Variants in KHDRBS2 observed in about 807,000 individuals in gnomAD.
The protein encoded by KHDRBS2 is KH RNA binding domain containing, signal transduction associated 2.
Under a neutral mutation model 44.3 loss-of-function variants are expected in KHDRBS2, and 26 were observed. That is an observed-to-expected ratio of 0.59 (90% CI 0.43 to 0.81). The LOEUF (loss-of-function observed/expected upper bound fraction) is 0.81. Ranked by LOEUF, KHDRBS2 falls within the 40% of genes least tolerant of loss-of-function variation. The pLI, the probability that KHDRBS2 is intolerant of heterozygous loss-of-function variation, is 0.00. For synonymous variants in KHDRBS2, 194 were observed against 151.1 expected (o/e 1.28, Z -2.08); for missense variants, 476 against 433.1 (o/e 1.10, Z -0.88).
At chr6:61,741,307 G>A (rs1422948201) in intron 6 of KHDRBS2, among the ~76,000 whole-genome samples, 1 of 151,876 alleles carries the variant, frequency 6.6e-6, no homozygotes, top group Non-Finnish European at 1.5e-5. Context: ...TTTCTAATCA[G>A]TACTAGTTTA....
intron 2 of KHDRBS2, among the ~76,000 whole-genome samples, chr6:62,080,154 T>C (rs1318782810): frequency 6.6e-6 from 1 of 152,120 alleles, no homozygotes; most frequent in Non-Finnish European, 1.5e-5. Context: ...CAGAGACATG[T>C]TACCTAAGGC....
intron 3 of KHDRBS2, among the ~76,000 whole-genome samples, chr6:62,033,146 G>T (rs1203659492): frequency 1.3e-5 from 2 of 151,706 alleles, no homozygotes; most frequent in South Asian, 2.1e-4. Flanking sequence ...TTGAGCACAG[G>T]TTATTTGAAA....
At chr6:61,973,638 G>T (rs1296169727) in intron 4 of KHDRBS2, among the ~76,000 whole-genome samples, 1 of 152,014 alleles carries the variant, frequency 6.6e-6, no homozygotes, top group East Asian at 1.9e-4. Context: ...CTCTTAAATT[G>T]ACTTAAAATC....
chr6:61,853,967 C>CT (rs771036812), intron 6 of KHDRBS2, among the ~76,000 whole-genome samples: 2 of 152,298 alleles, frequency 1.3e-5, no homozygotes. Flanking sequence ...TTGGCCAGAC[C>CT]TTGGTCACAT....
intron 3 of KHDRBS2, among the ~76,000 whole-genome samples, chr6:62,016,325 T>G (rs539378243): frequency 6.6e-6 from 1 of 152,046 alleles, no homozygotes; most frequent in African/African-American, 2.4e-5. Context: ...TACAGAAAAT[T>G]TACTTCTAGT....
the KHDRBS2 span, among the ~76,000 whole-genome samples, chr6:61,596,945 C>T: frequency 6.6e-6 from 1 of 152,080 alleles, no homozygotes; most frequent in Non-Finnish European, 1.5e-5. Context: ...CCACCGTGCC[C>T]AGCCACATTT....
At chr6:61,912,442 T>A (rs1169570344) in intron 4 of KHDRBS2, among the ~76,000 whole-genome samples, 9 of 152,212 alleles carry the variant, frequency 5.9e-5, no homozygotes, top group South Asian at 2.1e-4. Context: ...CTCAATTAGC[T>A]GAGTCCTTTC....
At chr6:61,900,191 A>G (rs1161260178) in intron 5 of KHDRBS2, among the ~76,000 whole-genome samples, 1 of 152,020 alleles carries the variant, frequency 6.6e-6, no homozygotes, top group Non-Finnish European at 1.5e-5. Context: ...TTGAGAATTT[A>G]TCTTTCTTAA....
At chr6:61,869,346 G>A (rs774066743) in intron 6 of KHDRBS2, among the ~76,000 whole-genome samples, 14 of 152,132 alleles carry the variant, frequency 9.2e-5, no homozygotes, top group Admixed American at 6.5e-5. Flanking sequence ...TCAATATAGT[G>A]AGAGAAAATA....
chr6:62,263,940 T>C (rs1466263407), intron 1 of KHDRBS2, among the ~76,000 whole-genome samples: 1 of 151,798 alleles, frequency 6.6e-6, no homozygotes, highest in African/African-American at 2.4e-5. Context: ...GACATCATTG[T>C]CCTTATTGTT....
chr6:61,610,779 C>T, the KHDRBS2 span, among the ~76,000 whole-genome samples: 1 of 152,218 alleles, frequency 6.6e-6, no homozygotes, highest in Non-Finnish European at 1.5e-5. Flanking sequence ...AAACAAGTAG[C>T]TACAACCCTT....
chr6:62,072,448 GC>G lies in KHDRBS2; in HGVS notation c.220-24455del, dbSNP rs565103747. On this transcript the variant is annotated intron_variant, in intron 2 of 8. Coordinates refer to ENST00000281156, the MANE Select transcript of KHDRBS2 (RefSeq NM_152688.4). ...TTCAAAGGGAATGTTTCCAATTTTT[GC>G]CCATTCATTATGATATTGGCTGTGG... Among the ~76,000 whole-genome samples, 15 of 152,196 alleles carry G rather than the reference GC, an allele frequency of 9.9e-5. No homozygotes were observed. The East Asian group carries it at 2.5e-3, about 25-fold the overall frequency.
chr6:62,047,641 C>T (rs1225933050), intron 3 of KHDRBS2, among the ~76,000 whole-genome samples: 1 of 151,542 alleles, frequency 6.6e-6, no homozygotes, highest in African/African-American at 2.4e-5. Flanking sequence ...GCAACCTACA[C>T]AAAGGACTAA....
chr6:61,989,339 T>C (rs1447801731), intron 3 of KHDRBS2, among the ~76,000 whole-genome samples: 1 of 152,208 alleles, frequency 6.6e-6, no homozygotes, highest in East Asian at 1.9e-4. Flanking sequence ...GTGGATGTCT[T>C]GTTCCAAGTT....
rs1584052223 is a variant in KHDRBS2 at position 61,997,652 on chromosome 6, G to T, written c.337-19440C>A. ...AATCCATGTAAATGAGCACTTTTAG[G>T]GTTTAACCAGCTATGGATCCTCCTA... On this transcript the variant is annotated intron_variant, in intron 3 of 8. Coordinates refer to ENST00000281156, the MANE Select transcript of KHDRBS2 (RefSeq NM_152688.4). Among the ~76,000 whole-genome samples the T allele has an allele frequency of 2.6e-5, 4 of 152,046 alleles. No homozygotes were observed. In the East Asian group the frequency reaches 7.7e-4, roughly 29 times the overall value.
At chr6:61,567,719 CTCCT>C in the KHDRBS2 span, among the ~76,000 whole-genome samples, 89,527 of 151,562 alleles carry the variant, frequency 0.59, 26,641 homozygotes, top group Non-Finnish European at 0.61. Context: ...TCCTCTCTCC[CTCCT>C]TCTCTTCCCT....
At chr6:61,671,224 G>A in the KHDRBS2 span, among the ~76,000 whole-genome samples, 1 of 151,644 alleles carries the variant, frequency 6.6e-6, no homozygotes, top group Non-Finnish European at 1.5e-5. Flanking sequence ...TAGAAAACCT[G>A]TGAGATCAAG....
intron 4 of KHDRBS2, among the ~76,000 whole-genome samples, chr6:61,919,581 T>C (rs1435075288): frequency 6.6e-6 from 1 of 151,936 alleles, no homozygotes; most frequent in African/African-American, 2.4e-5. Flanking sequence ...TTGTATAACT[T>C]CTATTTGTAG....
At chr6:61,561,574 C>T in the KHDRBS2 span, among the ~76,000 whole-genome samples, 1 of 152,044 alleles carries the variant, frequency 6.6e-6, no homozygotes, top group Non-Finnish European at 1.5e-5. Context: ...GAATTTCTTC[C>T]CACTCTTTCC....
Sources: gnomAD v4.1 joint callset for allele counts (sites outside exome capture counted in the v4.1 genomes callset) on GRCh38, gnomAD v4.1.1 for gene constraint, MANE v1.5 for transcripts, NCBI Gene and HGNC (gene_info 2026-07-23, HGNC 2026-07-21) for gene names.